The following TAOK2 variants were observed in gnomAD, a reference collection of about 807,000 sequenced individuals.
TAOK2 encodes serine/threonine-protein kinase TAO2.
Under a neutral mutation model 122.5 loss-of-function variants are expected in TAOK2, and 42 were observed. The observed-to-expected ratio is 0.34, with a 90% CI of 0.27 to 0.44. The LOEUF is 0.44. Ranked by LOEUF, TAOK2 falls within the 20% of genes least tolerant of loss-of-function variation. The pLI is 1.00. For missense variants in TAOK2, 1,264 were observed against 1,644.9 expected (o/e 0.77, Z 4.01); for synonymous variants, 704 against 677.6 (o/e 1.04, Z -0.61).
intron 1 of TAOK2, among the ~76,000 whole-genome samples, chr16:29,974,960 A>G (rs1385730743): frequency 6.6e-6 from 1 of 152,054 alleles, no homozygotes; most frequent in Admixed American, 6.5e-5. Context: ...TGCCCCTCAC[A>G]GCCACCTCTC....
downstream of TAOK2, chr16:29,991,850 A>C: frequency 2.8e-6 from 1 of 360,940 alleles, no homozygotes; most frequent in Non-Finnish European, 5.0e-6. This position sits in a 1 kb window ranked among gnomAD's most constrained non-coding sequence, Gnocchi z 5.6. Flanking sequence ...CGTGTCAAAT[A>C]TTCATCTAGT....
Position 29,987,096 on chromosome 16 carries a change from C to T in TAOK2, c.2824C>T (p.Gln942Ter). 6.2e-7 allele frequency: 1 copy of T among 1,613,316 alleles called. No individual in the cohort carries two copies. Among genetic ancestry groups the T allele is most frequent in the Non-Finnish European group, 8.5e-7 (1 of 1,179,482 alleles). The change falls in exon 16 of 16, where the codon CAG becomes TAG. Residue 942 changes from glutamine to a stop codon, truncating the protein, a stop_gained. Transcript: ENST00000308893. LOFTEE classifies it high-confidence loss of function. ...ACACCTGAGGCCCTGCCCTGCCAGC[C>T]AGCTCCCTGGACTCCTGTCCCATGG... The part of the protein sequence containing the change: ...PTHLRPCPAS[Q>*]LPGLLSHGLL...
chr16:29,991,622 G>A (rs2069971219), downstream of TAOK2: 4 of 1,426,174 alleles, frequency 2.8e-6, no homozygotes, highest in Admixed American at 9.5e-5. This position sits in a 1 kb window ranked among gnomAD's most constrained non-coding sequence, Gnocchi z 5.6. Context: ...GGTGGAGCCT[G>A]ACCCTGGAGG....
Position 29,985,275 on chromosome 16 carries a change from T to C in TAOK2, c.1485T>C (p.Tyr495=). 6.3e-7 allele frequency: 1 copy of C among 1,589,096 alleles called. No individual in the cohort carries two copies. Among genetic ancestry groups the C allele is most frequent in the Non-Finnish European group, 8.6e-7 (1 of 1,166,434 alleles). ...DSALREQLSG[Y]KRMRRQHQKQ... ...CGCTGCGGGAGCAGCTGAGCGGCTA[T>C]AAGCGGATGCGACGACAGCACCAGA... The change falls in exon 14 of 16, where the codon TAT becomes TAC. Residue 495 remains tyrosine, a synonymous_variant. Transcript: ENST00000308893. This position sits in a 1 kb window ranked among gnomAD's most constrained non-coding sequence, Gnocchi z 6.9.
rs1335074734 is a variant in TAOK2 at position 29,979,936 on chromosome 16, G to A, written c.655+428G>A. 6.6e-6 allele frequency among the ~76,000 whole-genome samples: 1 copy of A among 152,206 alleles called. No homozygotes were observed. ...AAAACAGGGGACTTGACCTAGTTTA[G>A]GGGCTGAAGAAGGCCTCCTTGTAGG... is the stretch of plus-strand genomic sequence containing the variant. On this transcript the variant is annotated intron_variant, in intron 8 of 15. Transcript: ENST00000308893. This position sits in a 1 kb window ranked among gnomAD's most constrained non-coding sequence, Gnocchi z 4.1.
chr16:29,983,088 T>G lies in TAOK2; in HGVS notation c.1016T>G (p.Met339Arg), dbSNP rs776291776. 6.2e-7 allele frequency: 1 copy of G among 1,613,954 alleles called. No individual in the cohort carries two copies. The highest frequency in any genetic ancestry group is 1.1e-5 in the South Asian group (1 of 91,078). ...PEEEEEAEPYMHRAGTLTSLE... is the reference protein window; with the variant it reads ...PEEEEEAEPYRHRAGTLTSLE... ...TGTTCGCAGGAGGCCGAGCCCTACA[T>G]GCACCGGGCCGGGACTCTGACCAGC... is the stretch of plus-strand genomic sequence containing the variant. Residue 339 changes from methionine (M) to arginine (R), a missense_variant, in exon 12 of 16, where the codon ATG becomes AGG. By Grantham distance (91) the Met-to-Arg change is moderately conservative. Around this residue, in one of 4 missense-constraint regions of TAOK2, gnomAD observed 254 missense variants for 503.8 expected, o/e 0.50. Coordinates refer to ENST00000308893, the MANE Select transcript of TAOK2 (RefSeq NM_016151.4).
In TAOK2 at chr16:29,976,723, G is replaced by A. The variant is rs1202233812; in HGVS notation, c.-35-1015G>A. ...CTGCAAGAGGGGAGCTGAGCTTGGG[G>A]TGACAGCTGAGAGAGTAATGGATAC... is the stretch of plus-strand genomic sequence containing the variant. On this transcript the variant is annotated intron_variant, in intron 1 of 15. Coordinates refer to ENST00000308893, the MANE Select transcript of TAOK2 (RefSeq NM_016151.4). Among the ~76,000 whole-genome samples the A allele has an allele frequency of 3.9e-5, 6 of 152,352 alleles. No individual in the cohort carries two copies. In the East Asian group the frequency reaches 1.2e-3, roughly 29 times the overall value.
rs1281663217 is a variant in TAOK2, at chr16:29,986,798, G to A, written c.2526G>A (p.Leu842=). Residue 842 remains leucine (L), a synonymous_variant, in exon 16 of 16, where the codon CTG becomes CTA. Transcript: ENST00000308893. The surrounding 1 kb of genome is among the most constrained non-coding windows in gnomAD (Gnocchi z 4.2). ...GSLVDEEVWG[L]PEEIEELRVP... ...TGGTTGATGAGGAAGTTTGGGGTCTGCCTGAGGAGATAGAGGAGCTTAGGG... is the reference window on the plus strand; with the variant it reads ...TGGTTGATGAGGAAGTTTGGGGTCTACCTGAGGAGATAGAGGAGCTTAGGG... The A allele has an allele frequency of 4.3e-6, 7 of 1,613,846 alleles. No individual in the cohort carries two copies. The highest frequency in any genetic ancestry group is 5.9e-6 in the Non-Finnish European group (7 of 1,179,908).
chr16:29,982,806 C>G lies in TAOK2; in HGVS notation c.904C>G (p.Arg302Gly). ...GATCCAGAGGACCAAGGATGCCGTG[C>G]GGGAGCTGGACAACCTGCAGTACCG... ...DLIQRTKDAV[R>G]ELDNLQYRKM... The change falls in exon 11 of 16, where the codon CGG (arginine) becomes GGG (glycine). Residue 302 changes from arginine (R) to glycine (G), a missense_variant. This residue lies in a region of TAOK2 where 254 missense variants were observed against 503.8 expected (regional missense o/e 0.50). Coordinates refer to ENST00000308893, the MANE Select transcript of TAOK2 (RefSeq NM_016151.4). 6.2e-7 allele frequency: 1 copy of G among 1,614,018 alleles called. No individual in the cohort carries two copies. The highest frequency in any genetic ancestry group is 8.5e-7 in the Non-Finnish European group (1 of 1,179,964).
In TAOK2 at chr16:29,986,789, T is replaced by C; in HGVS notation, c.2517T>C (p.Val839=). 1.2e-6 allele frequency: 2 copies of C among 1,613,718 alleles called. No homozygotes were observed. Among genetic ancestry groups the C allele is most frequent in the South Asian group, 1.1e-5 (1 of 91,042 alleles). ...ATGGGAGCCTGGTTGATGAGGAAGT[T>C]TGGGGTCTGCCTGAGGAGATAGAGG... is the stretch of plus-strand genomic sequence containing the variant. ...QKHGSLVDEE[V]WGLPEEIEEL... is the part of the protein sequence containing the mutation. Residue 839 remains valine (V), a synonymous_variant, in exon 16 of 16, where the codon GTT becomes GTC. Transcript: ENST00000308893. This position sits in a 1 kb window ranked among gnomAD's most constrained non-coding sequence, Gnocchi z 4.2.
Position 29,986,652 on chromosome 16 carries a change from G to C in TAOK2, c.2380G>C (p.Glu794Gln). Residue 794 changes from glutamate to glutamine, a missense_variant, in exon 16 of 16, where the codon GAA becomes CAA. Glu to Gln is a conservative substitution (Grantham distance 29). Around this residue, in one of 4 missense-constraint regions of TAOK2, gnomAD observed 824 missense variants for 908.7 expected, o/e 0.91. Transcript: ENST00000308893. The surrounding 1 kb of genome is among the most constrained non-coding windows in gnomAD (Gnocchi z 4.2). ...LDQRMLGEEE[E>Q]AVGERRILGK... ...CCAAAGAATGCTTGGCGAGGAGGAG[G>C]AAGCAGTTGGAGAGAGAAGGATTCT... The C allele has an allele frequency of 1.9e-6, 3 of 1,612,570 alleles. No individual in the cohort carries two copies. Among genetic ancestry groups the C allele is most frequent in the Non-Finnish European group, 2.5e-6 (3 of 1,179,460 alleles).
chr16:29,990,197 A>C (rs1033908234), downstream of TAOK2: 146 of 210,816 alleles, frequency 6.9e-4, 6 homozygotes, highest in South Asian at 5.6e-4. Context: ...AAATGATCAC[A>C]CCTAACACTG....
At chr16:29,975,482 T>G (rs956729862) in intron 1 of TAOK2, among the ~76,000 whole-genome samples, 1 of 152,196 alleles carries the variant, frequency 6.6e-6, no homozygotes, top group Admixed American at 6.5e-5. Flanking sequence ...CAGGGGTCCC[T>G]AGGAGTCCAG....
chr16:29,978,648 A>G, intron 4 of TAOK2, 151 bp from the exon 5 acceptor site: 1 of 854,430 alleles, frequency 1.2e-6, no homozygotes, highest in Non-Finnish European at 1.9e-6. Context: ...CAGACTCTAG[A>G]AACTCTCCCA....
downstream of TAOK2, chr16:29,991,219 C>T (rs2069960545): frequency 6.2e-7 from 1 of 1,610,656 alleles, no homozygotes; most frequent in African/African-American, 1.3e-5. This position sits in a 1 kb window ranked among gnomAD's most constrained non-coding sequence, Gnocchi z 5.6. Flanking sequence ...GGCTATCCTG[C>T]TCCACCCCCT....
At position 29,986,205 on chromosome 16, in the gene TAOK2, C is replaced by G. The variant is rs1419689787; in HGVS notation, c.1993-60C>G. On this transcript the variant is annotated intron_variant, in intron 15 of 15. Transcript: ENST00000308893. This position sits in a 1 kb window ranked among gnomAD's most constrained non-coding sequence, Gnocchi z 4.2. ...CCCCAGCTCCCTCTGCCAAGGAGCC[C>G]TGGCCTCTCACTTCCTTGATACTGA... is the stretch of plus-strand genomic sequence containing the variant. The G allele has an allele frequency of 4.7e-6, 7 of 1,503,782 alleles. No homozygotes were observed. Among genetic ancestry groups the G allele is most frequent in the South Asian group, 4.2e-5 (3 of 72,128 alleles). The allele number at this position is 1,503,782 out of a possible 1,614,324, so 93.2% of individuals were successfully genotyped here.
At chr16:29,975,063 C>T (rs2069412018) in intron 1 of TAOK2, among the ~76,000 whole-genome samples, 1 of 152,054 alleles carries the variant, frequency 6.6e-6, no homozygotes, top group Non-Finnish European at 1.5e-5. Context: ...GCTTTTCAGG[C>T]CTGGTCTGGT....
chr16:29,990,574 TC>T (rs1384815157), downstream of TAOK2: 2 of 430,410 alleles, frequency 4.6e-6, no homozygotes, highest in Non-Finnish European at 4.1e-6. Flanking sequence ...TCACAACGCT[TC>T]CGTGAACACC....
chr16:29,979,978 C>T lies in TAOK2; in HGVS notation c.655+470C>T, dbSNP rs986310741. On this transcript the variant is annotated intron_variant, in intron 8 of 15. Coordinates refer to ENST00000308893, the MANE Select transcript of TAOK2 (RefSeq NM_016151.4). This position sits in a 1 kb window ranked among gnomAD's most constrained non-coding sequence, Gnocchi z 4.1. ...CCTTGTAGGAGAATATTGAAGCCAA[C>T]CTGCAAGATAAATAATAGCTGTTTG... Among the ~76,000 whole-genome samples the T allele has an allele frequency of 7.9e-5, 12 of 152,262 alleles. No homozygotes were observed. Among genetic ancestry groups the T allele is most frequent in the Admixed American group, 7.2e-4 (11 of 15,298 alleles).
Sources: allele counts gnomAD v4.1 joint callset (sites outside exome capture counted in the v4.1 genomes callset), GRCh38; gene constraint gnomAD v4.1.1; regional missense constraint gnomAD v4.1.1; non-coding constraint Gnocchi (gnomAD v3.1); transcripts MANE v1.5; gene names NCBI Gene and HGNC (gene_info 2026-07-23, HGNC 2026-07-21).